SNX8: variants seen among roughly 807,000 people sequenced by gnomAD.
SNX8 encodes sorting nexin-8.
SNX8 carries 25 observed loss-of-function variants against 51.6 expected under a neutral mutation model. The ratio of observed to expected loss-of-function variants is 0.48; its 90% CI spans 0.35 to 0.68. SNX8 has a LOEUF of 0.68. SNX8 is among the 30% of genes least tolerant of loss of function. The pLI is 0.00. For missense variants in SNX8, 695 were observed against 624.0 expected, an observed-to-expected ratio of 1.11 and a Z score of -1.21; for synonymous variants, 324 against 277.0, an observed-to-expected ratio of 1.17 and a Z score of -1.68.
intron 1 of SNX8, among the ~76,000 whole-genome samples, chr7:2,343,041 T>G (rs1001758774): frequency 7.2e-5 from 11 of 151,860 alleles, no homozygotes; most frequent in African/African-American, 2.7e-4. Flanking sequence ...GTGATCCACC[T>G]GCCTCGACCT....
chr7:2,316,285 C>CCACT (rs201667406), upstream of SNX8, among the ~76,000 whole-genome samples: 1 of 133,052 alleles, frequency 7.5e-6, no homozygotes, highest in Admixed American at 7.8e-5. Context: ...ATTCACACAA[C>CCACT]CACTCACTCA....
chr7:2,351,688 G>T (rs948015459), intron 1 of SNX8, among the ~76,000 whole-genome samples: 1 of 151,592 alleles, frequency 6.6e-6, no homozygotes, highest in Non-Finnish European at 1.5e-5. Flanking sequence ...AAAATTAGCC[G>T]GGTGTGGTGG....
At chr7:2,269,720 G>T (rs6947645) in intron 4 of SNX8, 81 bp from the exon 5 acceptor site, 3 of 864,572 alleles carry the variant, frequency 3.5e-6, no homozygotes, top group Non-Finnish European at 5.5e-6. Flanking sequence ...ACTGTGGAGC[G>T]GGAGGTCGTC....
At chr7:2,269,131 G>C (rs943856220) in intron 5 of SNX8, among the ~76,000 whole-genome samples, 1 of 146,328 alleles carries the variant, frequency 6.8e-6, no homozygotes, top group Non-Finnish European at 1.5e-5. Context: ...GATGGTTGCC[G>C]TGTCTGTGTA....
At chr7:2,303,995 TA>T (rs202185394) in intron 1 of SNX8, among the ~76,000 whole-genome samples, 7,850 of 143,508 alleles carry the variant, frequency 0.055, 349 homozygotes, top group African/African-American at 0.12. Flanking sequence ...AATAAAAACT[TA>T]AAAAAAAAAA....
intron 1 of SNX8, among the ~76,000 whole-genome samples, chr7:2,334,508 G>A (rs182936989): frequency 1.6e-4 from 25 of 152,134 alleles, no homozygotes; most frequent in South Asian, 4.1e-4. Context: ...GACCAGCCTG[G>A]CAAACACAGT....
rs1032745141 is a variant in SNX8, at chr7:2,269,781, T to C, written c.541-142A>G. On this transcript the variant is annotated intron_variant, in intron 4 of 10. Transcript: ENST00000222990. ...TATGTTGGCTTTGACATTAGTATTCTGCAATCTCTTGACTCTCCCTTAGAT... is the reference window on the plus strand; with the variant it reads ...TATGTTGGCTTTGACATTAGTATTCCGCAATCTCTTGACTCTCCCTTAGAT... The C allele has an allele frequency of 1.7e-5, 9 of 514,990 alleles. No homozygotes were observed. In the African/African-American group the frequency reaches 1.8e-4, roughly 10 times the overall value. 31.9% of individuals were successfully genotyped at this position (514,990 alleles called of 1,614,324 possible).
intron 1 of SNX8, among the ~76,000 whole-genome samples, chr7:2,303,259 G>A (rs1796452679): frequency 6.8e-6 from 1 of 146,388 alleles, no homozygotes. Flanking sequence ...CGCCCGGCCA[G>A]CCGCCCCGTC....
In SNX8 at chr7:2,271,890, T is replaced by C; in HGVS notation, c.500A>G (p.Glu167Gly). Residue 167 changes from glutamate (E) to glycine (G), a missense_variant, in exon 4 of 11, where the codon GAG becomes GGG. Coordinates refer to ENST00000222990, the MANE Select transcript of SNX8 (RefSeq NM_013321.4). The stretch of plus-strand genomic sequence containing the variant: ...CAGGAAGAGCTTGAGGACCACATCC[T>C]CGGAGAACAGGGGGTGTCGCGCCAC... Reference protein sequence around the residue: ...NLVARHPLFSEDVVLKLFLSF... With the variant: ...NLVARHPLFSGDVVLKLFLSF... 2.5e-6 allele frequency: 4 copies of C among 1,613,538 alleles called. No individual in the cohort carries two copies. Among genetic ancestry groups the C allele is most frequent in the Non-Finnish European group, 2.5e-6 (3 of 1,179,832 alleles).
chr7:2,311,178 C>A (rs1213318489), intron 1 of SNX8, among the ~76,000 whole-genome samples: 5 of 152,018 alleles, frequency 3.3e-5, no homozygotes, highest in African/African-American at 1.2e-4. Context: ...CTGGCAACAC[C>A]GAAGATGCAG....
intron 1 of SNX8, among the ~76,000 whole-genome samples, chr7:2,292,118 C>T (rs933012359): frequency 2.0e-5 from 3 of 152,070 alleles, no homozygotes; most frequent in African/African-American, 4.8e-5. Flanking sequence ...ACGAAATTAG[C>T]CAGGCGTGGT....
chr7:2,292,039 G>C (rs2115168335), intron 1 of SNX8, among the ~76,000 whole-genome samples: 1 of 152,308 alleles, frequency 6.6e-6, no homozygotes, highest in East Asian at 1.9e-4. Flanking sequence ...CGAGGTGGAT[G>C]GATCACCTGA....
intron 1 of SNX8, among the ~76,000 whole-genome samples, chr7:2,323,749 C>T (rs1420261798): frequency 1.3e-5 from 2 of 152,196 alleles, no homozygotes; most frequent in African/African-American, 4.8e-5. Context: ...CAGGACAGCA[C>T]CAAACACTAA....
Position 2,349,758 on chromosome 7 carries a change from G to A in SNX8, c.-66+4464C>T, listed in dbSNP as rs145528877. ...GCCAATTTAGCTTTTCTTAAGACAA[G>A]GTCTCACTCTGTTGCCCAGGCTGGA... On this transcript the variant is annotated intron_variant, in intron 1 of 5. Coordinates refer to the SNX8 transcript ENST00000435336. Among the ~76,000 whole-genome samples, 1,237 of 151,558 alleles carry A rather than the reference G, an allele frequency of 8.2e-3. 17 individuals are homozygous for A. Among genetic ancestry groups the A allele is most frequent in the African/African-American group, 0.029 (1,193 of 41,250 alleles).
intron 1 of SNX8, among the ~76,000 whole-genome samples, chr7:2,344,164 A>ACACTC (rs1441050081): frequency 6.6e-6 from 1 of 151,716 alleles, no homozygotes; most frequent in African/African-American, 2.4e-5. Flanking sequence ...TGATCACGTA[A>ACACTC]TTGAGCCTGG....
At chr7:2,267,145 C>T (rs1056285677) in intron 5 of SNX8, among the ~76,000 whole-genome samples, 1 of 152,168 alleles carries the variant, frequency 6.6e-6, no homozygotes, top group East Asian at 1.9e-4. Flanking sequence ...AGCCCTGTGT[C>T]GGAGCAACTG....
At chr7:2,318,186 A>C (rs1796784409), upstream of SNX8, among the ~76,000 whole-genome samples, 1 of 152,116 alleles carries the variant, frequency 6.6e-6, no homozygotes, top group South Asian at 2.1e-4. Context: ...GCTGGGACTA[A>C]GGCACAGGCC....
intron 1 of SNX8, among the ~76,000 whole-genome samples, chr7:2,331,239 C>G (rs1778729320): frequency 6.7e-6 from 1 of 149,080 alleles, no homozygotes; most frequent in South Asian, 2.1e-4. Flanking sequence ...AATTCATAAC[C>G]AATATCAATA....
Position 2,260,767 on chromosome 7 carries a change from T to A in SNX8, c.915+2463A>T, listed in dbSNP as rs570173526. ...TCAATTTCACTACAACCAAGGACAG[T>A]GAGAGAGATTCAGGAAACAGCACTT... is the stretch of plus-strand genomic sequence containing the variant. On this transcript the variant is annotated intron_variant, in intron 7 of 10. Transcript: ENST00000222990. 3.0e-3 allele frequency among the ~76,000 whole-genome samples: 453 copies of A among 152,236 alleles called. 5 individuals are homozygous for A. Among genetic ancestry groups the A allele is most frequent in the Non-Finnish European group, 4.3e-3 (294 of 68,020 alleles).
Sources: allele counts gnomAD v4.1 joint callset (sites outside exome capture counted in the v4.1 genomes callset), GRCh38; gene constraint gnomAD v4.1.1; transcripts MANE v1.5; gene names NCBI Gene and HGNC (gene_info 2026-07-23, HGNC 2026-07-21).